DAB1: variants seen among roughly 807,000 people sequenced by gnomAD.
DAB1 encodes DAB adaptor protein 1, also known as disabled homolog 1.
A neutral mutation model predicts 64.6 loss-of-function variants in DAB1; 15 were observed. The ratio of observed to expected loss-of-function variants is 0.23; its 90% CI spans 0.16 to 0.36. The LOEUF is 0.36. Among genes scored for constraint, DAB1 ranks in the 10% least tolerant of loss-of-function variants. The probability of loss-of-function intolerance (pLI) is 1.00; values close to 1 mark genes in which losing one functional copy is unlikely to be tolerated. For missense variants in DAB1, 596 were observed against 706.7 expected, an observed-to-expected ratio of 0.84 and a Z score of 1.78; for synonymous variants, 235 against 251.9, an observed-to-expected ratio of 0.93 and a Z score of 0.64.
rs555243970 is a variant in DAB1 at position 58,218,504 on chromosome 1, C to G, written n.310-67916G>C. ...GGTAAAAGTTGTGGGTGTTTGGTGTCTGCATGTGTATGTGCAGGAGAGTGA... is the reference window on the plus strand; with the variant it reads ...GGTAAAAGTTGTGGGTGTTTGGTGTGTGCATGTGTATGTGCAGGAGAGTGA... On this transcript the variant is annotated intron_variant and non_coding_transcript_variant, in intron 4 of 20. Coordinates refer to the DAB1 transcript ENST00000485760. Among the ~76,000 whole-genome samples the G allele has an allele frequency of 2.0e-5, 3 of 152,212 alleles. No individual in the cohort carries two copies. The South Asian group carries it at 6.2e-4, about 32-fold the overall frequency.
At position 58,044,341 on chromosome 1, in the gene DAB1, C is replaced by T. The variant is rs538001606; in HGVS notation, n.387+106170G>A. 4.6e-5 allele frequency among the ~76,000 whole-genome samples: 7 copies of T among 152,114 alleles called. No individual in the cohort carries two copies. The South Asian group carries it at 8.3e-4, about 18-fold the overall frequency. ...CCTGGTCTCTGGGATTTGGTGGTAC[C>T]ACCTTTTTTCCCTATTCCTCTAGCC... On this transcript the variant is annotated intron_variant and non_coding_transcript_variant, in intron 5 of 20. Transcript: ENST00000485760.
At chr1:57,610,379 T>C (rs1645711495) in intron 7 of DAB1, among the ~76,000 whole-genome samples, 1 of 152,102 alleles carries the variant, frequency 6.6e-6, no homozygotes, top group Non-Finnish European at 1.5e-5. Flanking sequence ...TTTAAGCCCA[T>C]GAGAAAGGCA....
intron 7 of DAB1, among the ~76,000 whole-genome samples, chr1:57,525,561 G>A (rs2691455): frequency 0.96 from 146,718 of 152,274 alleles, 70,888 homozygotes; most frequent in East Asian, 1. Context: ...CACAGTCATA[G>A]TAAGGTAAAA....
At chr1:57,989,386 T>A (rs914163256) in intron 5 of DAB1, among the ~76,000 whole-genome samples, 3 of 152,136 alleles carry the variant, frequency 2.0e-5, no homozygotes, top group Non-Finnish European at 4.4e-5. Flanking sequence ...TGAGTGGGGA[T>A]GATTAAACCT....
chr1:57,955,005 TCTC>T (rs1164314165), intron 5 of DAB1, among the ~76,000 whole-genome samples: 2 of 152,178 alleles, frequency 1.3e-5, no homozygotes, highest in Non-Finnish European at 2.9e-5. Flanking sequence ...TGCCAAGCCT[TCTC>T]CTAAAGAGGC....
intron 3 of DAB1, among the ~76,000 whole-genome samples, chr1:58,382,588 C>A (rs926930588): frequency 6.6e-6 from 1 of 152,088 alleles, no homozygotes; most frequent in Non-Finnish European, 1.5e-5. Flanking sequence ...GAATATTCCT[C>A]AAAATACTGT....
intron 4 of DAB1, among the ~76,000 whole-genome samples, chr1:58,188,426 C>T (rs746242660): frequency 2.0e-5 from 3 of 152,148 alleles, no homozygotes; most frequent in Non-Finnish European, 2.9e-5. Context: ...GAGCATTCTC[C>T]CCTAAGAGAA....
chr1:58,481,037 C>T (rs768227326), intron 3 of DAB1: 1 of 871,614 alleles, frequency 1.1e-6, no homozygotes, highest in Non-Finnish European at 2.0e-6. Flanking sequence ...GAAGAGTATC[C>T]ATTTTCTGTT....
At chr1:58,161,845 C>T (rs1263591587) in intron 4 of DAB1, among the ~76,000 whole-genome samples, 1 of 152,104 alleles carries the variant, frequency 6.6e-6, no homozygotes, top group African/African-American at 2.4e-5. Flanking sequence ...GACTTTATTA[C>T]TTCTCGATGG....
intron 4 of DAB1, among the ~76,000 whole-genome samples, chr1:57,103,692 T>G (rs1224101937): frequency 6.6e-6 from 1 of 152,114 alleles, no homozygotes; most frequent in African/African-American, 2.4e-5. Context: ...TACTTTGATC[T>G]TAGCCTAAGA....
chr1:57,815,922 G>A (rs1042938808), intron 6 of DAB1, among the ~76,000 whole-genome samples: 1 of 152,220 alleles, frequency 6.6e-6, no homozygotes, highest in South Asian at 2.1e-4. Context: ...CAGGCTGGCA[G>A]TGTCCTTAAC....
intron 4 of DAB1, among the ~76,000 whole-genome samples, chr1:58,188,242 CA>C (rs952966193): frequency 3.9e-5 from 6 of 152,024 alleles, no homozygotes; most frequent in African/African-American, 1.4e-4. Flanking sequence ...TAAAATAAAA[CA>C]AAAAACAAAG....
chr1:58,468,054 AGCTGGTACTGCAG>A (rs1251756609), intron 3 of DAB1: 4 of 152,414 alleles, frequency 2.6e-5, no homozygotes, highest in Admixed American at 6.5e-5. Flanking sequence ...CCTCCCAAGT[AGCTGGTACTGCAG>A]GCATGTGCCA....
At chr1:57,695,358 AAAGAAGAAAG>A (rs1165534545) in intron 6 of DAB1, among the ~76,000 whole-genome samples, 1 of 33,086 alleles carries the variant, frequency 3.0e-5, no homozygotes, top group African/African-American at 9.2e-5. Flanking sequence ...GAAAGAAAAG[AAAGAAGAAAG>A]AAAGAAAGAA....
At chr1:57,110,100 T>C (rs1269620483) in intron 4 of DAB1, among the ~76,000 whole-genome samples, 3 of 152,182 alleles carry the variant, frequency 2.0e-5, no homozygotes, top group African/African-American at 4.8e-5. Context: ...ATAAGTAAAG[T>C]GGCCACATGT....
At chr1:57,119,192 A>T (rs894836534) in intron 4 of DAB1, among the ~76,000 whole-genome samples, 2 of 152,162 alleles carry the variant, frequency 1.3e-5, no homozygotes, top group African/African-American at 2.4e-5. Context: ...CAGCACCAAA[A>T]CTTGCTTAAT....
At chr1:58,424,557 ACT>A (rs1028548558) in intron 3 of DAB1, among the ~76,000 whole-genome samples, 8 of 151,860 alleles carry the variant, frequency 5.3e-5, no homozygotes, top group Non-Finnish European at 1.2e-4. Context: ...CGTTAATTAT[ACT>A]CTCTCTGTTT....
At chr1:58,093,413 C>T (rs1003398130) in intron 5 of DAB1, among the ~76,000 whole-genome samples, 6 of 152,068 alleles carry the variant, frequency 3.9e-5, no homozygotes, top group African/African-American at 7.2e-5. Context: ...AAGCAGAGGA[C>T]GAGTGAGCCT....
chr1:57,595,588 T>C (rs1645498678), intron 7 of DAB1, among the ~76,000 whole-genome samples: 1 of 152,082 alleles, frequency 6.6e-6, no homozygotes, highest in Non-Finnish European at 1.5e-5. Context: ...TTCCTCTGGC[T>C]CCAAATCCAT....
Sources: gnomAD v4.1 joint callset for allele counts (sites outside exome capture counted in the v4.1 genomes callset) on GRCh38, gnomAD v4.1.1 for gene constraint, MANE v1.5 for transcripts, NCBI Gene and HGNC (gene_info 2026-07-23, HGNC 2026-07-21) for gene names.